The following TMC1 variants were observed in gnomAD, a reference collection of about 807,000 sequenced individuals.
TMC1 encodes the protein transmembrane channel-like protein 1.
TMC1 carries 84 observed loss-of-function variants against 105.8 expected under a neutral mutation model. The observed-to-expected ratio is 0.79, with a 90% confidence interval of 0.67 to 0.95. TMC1 has a LOEUF of 0.95. Among genes scored for constraint, TMC1 ranks in the 40% least tolerant of loss-of-function variants. TMC1 has a pLI of 0.00. For synonymous variants in TMC1, 315 were observed against 311.5 expected (o/e 1.01, Z -0.12); for missense variants, 817 against 914.1 (o/e 0.89, Z 1.37).
At chr9:72,746,844 G>GT (rs973260519) in intron 10 of TMC1, among the ~76,000 whole-genome samples, 11 of 152,134 alleles carry the variant, frequency 7.2e-5, no homozygotes, top group Non-Finnish European at 1.5e-4. Flanking sequence ...ATACTGTGGG[G>GT]TTTTACTGTC....
chr9:72,580,252 C>T (rs7038055), intron 2 of TMC1, among the ~76,000 whole-genome samples: 19,113 of 152,168 alleles, frequency 0.13, 1,285 homozygotes, highest in Non-Finnish European at 0.16. Context: ...TATATCTTTT[C>T]CTACTATATA....
At chr9:72,834,961 A>G (rs1829097743) in intron 23 of TMC1, among the ~76,000 whole-genome samples, 1 of 152,038 alleles carries the variant, frequency 6.6e-6, no homozygotes, top group Non-Finnish European at 1.5e-5. Flanking sequence ...CGTTTCAGAG[A>G]TTTTATGTGT....
chr9:72,697,985 A>C (rs1412088598), intron 7 of TMC1, among the ~76,000 whole-genome samples: 1 of 152,148 alleles, frequency 6.6e-6, no homozygotes, highest in East Asian at 1.9e-4. Flanking sequence ...CATTTTAATT[A>C]AAACACATCT....
At chr9:72,715,396 A>C (rs900266919) in intron 8 of TMC1, among the ~76,000 whole-genome samples, 3 of 152,156 alleles carry the variant, frequency 2.0e-5, no homozygotes, top group Admixed American at 6.5e-5. Flanking sequence ...TTTCAGGTAC[A>C]CCAATCAAAC....
chr9:72,792,282 C>A lies in TMC1; in HGVS notation c.1496C>A (p.Thr499Asn). ...AATGCATCATTCTCTGAAAATAGCACTGGACCACCCTTTTTTGTTCACCCT... is the reference window on the plus strand; with the variant it reads ...AATGCATCATTCTCTGAAAATAGCAATGGACCACCCTTTTTTGTTCACCCT... The part of the protein sequence containing the change: ...AYNASFSENS[T>N]GPPFFVHPAD... Residue 499 changes from threonine to asparagine, a missense_variant, in exon 17 of 24, where the codon ACT becomes AAT. Physicochemically the swap from Thr to Asn is moderately conservative, Grantham distance 65. Transcript: ENST00000297784. 1.2e-6 allele frequency: 2 copies of A among 1,614,176 alleles called. No individual in the cohort carries two copies. Among genetic ancestry groups the A allele is most frequent in the Non-Finnish European group, 1.7e-6 (2 of 1,180,026 alleles).
At chr9:72,773,654 C>T (rs1244891545) in intron 13 of TMC1, among the ~76,000 whole-genome samples, 1 of 152,118 alleles carries the variant, frequency 6.6e-6, no homozygotes, top group African/African-American at 2.4e-5. Context: ...AGTCTTTTGA[C>T]TATATTGCTC....
chr9:72,807,080 A>G (rs1288912626), intron 18 of TMC1, among the ~76,000 whole-genome samples: 2 of 152,200 alleles, frequency 1.3e-5, no homozygotes. Context: ...TGGCCAACAC[A>G]GCGAAACCCC....
At chr9:72,619,966 C>G (rs1327765221) in intron 3 of TMC1, among the ~76,000 whole-genome samples, 1 of 152,030 alleles carries the variant, frequency 6.6e-6, no homozygotes, top group Non-Finnish European at 1.5e-5. Context: ...TCCTGAGCAG[C>G]TGGGACTACA....
chr9:72,813,921 C>A (rs1048703551), intron 18 of TMC1, among the ~76,000 whole-genome samples: 4 of 152,228 alleles, frequency 2.6e-5, no homozygotes, highest in Admixed American at 2.6e-4. Flanking sequence ...GTGCATCAGG[C>A]CAATTTATAG....
intron 1 of TMC1, among the ~76,000 whole-genome samples, chr9:72,556,178 G>C (rs1259458872): frequency 6.7e-6 from 1 of 149,956 alleles, no homozygotes; most frequent in Non-Finnish European, 1.5e-5. Context: ...GTACAATGGT[G>C]CGATCTCAGC....
intron 9 of TMC1, 51 bp from the exon 10 acceptor site, chr9:72,742,393 T>A (rs1426986251): frequency 6.9e-7 from 1 of 1,450,852 alleles, no homozygotes; most frequent in Admixed American, 1.7e-5. Flanking sequence ...GATAAACATC[T>A]TGACAAATCA....
chr9:72,652,976 C>A (rs1345609200), intron 5 of TMC1, among the ~76,000 whole-genome samples: 1 of 151,992 alleles, frequency 6.6e-6, no homozygotes, highest in Non-Finnish European at 1.5e-5. Context: ...CTTCAAAATT[C>A]TAAATTTGTG....
chr9:72,615,857 A>C (rs1825117558), intron 2 of TMC1, among the ~76,000 whole-genome samples: 1 of 151,040 alleles, frequency 6.6e-6, no homozygotes, highest in Non-Finnish European at 1.5e-5. Context: ...GGGTTTAAGC[A>C]ATTCTTGTGC....
chr9:72,598,034 A>G (rs1037477308), intron 2 of TMC1, among the ~76,000 whole-genome samples: 1 of 151,248 alleles, frequency 6.6e-6, no homozygotes, highest in Non-Finnish European at 1.5e-5. Context: ...CACATTTGAT[A>G]ACACAGATGG....
chr9:72,821,839 A>G, intron 20 of TMC1, among the ~76,000 whole-genome samples: 1 of 152,340 alleles, frequency 6.6e-6, no homozygotes, highest in African/African-American at 2.4e-5. Flanking sequence ...AGAGAGAGAG[A>G]GAATACCCCA....
Position 72,836,202 on chromosome 9 carries a change from C to A in TMC1, c.*229C>A. 1.7e-6 allele frequency: 1 copy of A among 604,658 alleles called. No homozygotes were observed. Among genetic ancestry groups the A allele is most frequent in the South Asian group, 2.0e-5 (1 of 49,944 alleles). 37.5% of individuals were successfully genotyped at this position (604,658 alleles called of 1,614,324 possible). A position where few individuals can be genotyped will look rare whatever the true frequency, so the allele number is the denominator to read the frequency against. ...ACTGTTTCTGCAGAGCCACTCTCTC[C>A]CCTGCTCCATTTCGTGACTTTTTTT... is the stretch of plus-strand genomic sequence containing the variant. On this transcript the variant is annotated 3_prime_UTR_variant, in exon 24 of 24. Transcript: ENST00000297784.
intron 23 of TMC1, among the ~76,000 whole-genome samples, chr9:72,835,413 C>T (rs576630612): frequency 6.6e-6 from 1 of 152,308 alleles, no homozygotes; most frequent in Non-Finnish European, 1.5e-5. Flanking sequence ...GCACATACAT[C>T]ACATATACTA....
intron 4 of TMC1, 38 bp downstream of exon 4, chr9:72,628,101 T>A (rs1196639951): frequency 1.5e-5 from 7 of 455,472 alleles, no homozygotes; most frequent in Non-Finnish European, 2.6e-5. Context: ...CACGTTTTGG[T>A]GCCTAGCATT....
chr9:72,532,442 G>A (rs1486431572), intron 1 of TMC1, among the ~76,000 whole-genome samples: 2 of 151,424 alleles, frequency 1.3e-5, no homozygotes, highest in African/African-American at 2.4e-5. Flanking sequence ...TCAGGAGGCT[G>A]AGGCAGGAGA....
Sources: allele counts gnomAD v4.1 joint callset (sites outside exome capture counted in the v4.1 genomes callset), GRCh38; gene constraint gnomAD v4.1.1; transcripts MANE v1.5; gene names NCBI Gene and HGNC (gene_info 2026-07-23, HGNC 2026-07-21).